Variants in SOX5 observed in about 807,000 individuals in gnomAD.
The protein encoded by SOX5 is SRY-box transcription factor 5.
Under a neutral mutation model 92.0 loss-of-function variants are expected in SOX5, and 9 were observed. The ratio of observed to expected loss-of-function variants is 0.10; its 90% confidence interval spans 0.06 to 0.17. The LOEUF (loss-of-function observed/expected upper bound fraction) is 0.17, where lower values mean the gene tolerates loss of function less well. Among genes scored for constraint, SOX5 ranks in the 10% least tolerant of loss-of-function variants. SOX5 has a pLI of 1.00. For synonymous variants in SOX5, 344 were observed against 336.3 expected (o/e 1.02, Z -0.25); for missense variants, 642 against 944.5 (o/e 0.68, Z 4.20).
At chr12:23,951,643 A>AAT (rs1186661627), upstream of SOX5, among the ~76,000 whole-genome samples, 43 of 83,340 alleles carry the variant, frequency 5.2e-4, no homozygotes, top group Admixed American at 9.2e-4. Flanking sequence ...ATGTTCTAAA[A>AAT]ATATATATAT....
At chr12:24,558,778 C>CA (rs951593146) in intron 1 of SOX5, among the ~76,000 whole-genome samples, 170 of 152,272 alleles carry the variant, frequency 1.1e-3, no homozygotes, top group African/African-American at 3.9e-3. Context: ...AAGTAAACAA[C>CA]AAAGACCCCA....
intron 3 of SOX5, among the ~76,000 whole-genome samples, chr12:23,823,562 T>C (rs761862232): frequency 6.6e-6 from 1 of 152,210 alleles, no homozygotes; most frequent in Non-Finnish European, 1.5e-5. Flanking sequence ...TTCCTTCATT[T>C]CAACCTTGAT....
intron 4 of SOX5, among the ~76,000 whole-genome samples, chr12:24,149,838 A>T (rs546878140): frequency 6.6e-6 from 1 of 152,332 alleles, no homozygotes; most frequent in East Asian, 1.9e-4. Context: ...TGCAATAATA[A>T]AGAATGTATT....
intron 4 of SOX5, among the ~76,000 whole-genome samples, chr12:23,973,001 G>A (rs552753770): frequency 5.9e-5 from 9 of 151,960 alleles, no homozygotes; most frequent in Admixed American, 3.3e-4. Flanking sequence ...CTCAAGTAGC[G>A]ACCTTCCTAC....
At chr12:24,135,838 G>T (rs113024777) in intron 4 of SOX5, among the ~76,000 whole-genome samples, 2 of 152,312 alleles carry the variant, frequency 1.3e-5, no homozygotes, top group African/African-American at 4.8e-5. Context: ...GGGAAGGGCT[G>T]CATGTGTTCA....
At chr12:23,827,776 C>A (rs2096255471) in intron 3 of SOX5, among the ~76,000 whole-genome samples, 1 of 152,114 alleles carries the variant, frequency 6.6e-6, no homozygotes, top group African/African-American at 2.4e-5. Flanking sequence ...GGATAAAAAG[C>A]AGAAAAGCAA....
chr12:24,524,640 G>A (rs531087114), intron 1 of SOX5, among the ~76,000 whole-genome samples: 1 of 152,084 alleles, frequency 6.6e-6, no homozygotes, highest in Admixed American at 6.6e-5. Context: ...ACACCTGTCA[G>A]GACGGCTAGC....
intron 3 of SOX5, among the ~76,000 whole-genome samples, chr12:24,261,878 C>T (rs1409337372): frequency 6.6e-6 from 1 of 152,182 alleles, no homozygotes; most frequent in Non-Finnish European, 1.5e-5. Flanking sequence ...GAAACCTCTT[C>T]TGTTTCTGAT....
intron 4 of SOX5, among the ~76,000 whole-genome samples, chr12:24,041,611 C>A (rs1350428940): frequency 6.6e-6 from 1 of 152,118 alleles, no homozygotes; most frequent in Non-Finnish European, 1.5e-5. Flanking sequence ...TTGATAACTG[C>A]AAACAATAAG....
At chr12:24,198,385 T>C (rs940362740) in intron 4 of SOX5, among the ~76,000 whole-genome samples, 62 of 152,370 alleles carry the variant, frequency 4.1e-4, no homozygotes, top group African/African-American at 1.4e-3. Flanking sequence ...TTCATACAAC[T>C]TAAACATTTT....
At chr12:23,708,982 C>T (rs998557994) in intron 6 of SOX5, among the ~76,000 whole-genome samples, 1 of 152,150 alleles carries the variant, frequency 6.6e-6, no homozygotes, top group African/African-American at 2.4e-5. Flanking sequence ...AAAACCATTT[C>T]ATAGAGCTGG....
rs1259666234 is a variant in SOX5, at chr12:23,699,261, A to G, written c.811-33697T>C. Among the ~76,000 whole-genome samples the G allele has an allele frequency of 1.3e-5, 2 of 152,014 alleles. 1 individual carries two copies. The highest frequency in any genetic ancestry group is 1.3e-4 in the Admixed American group (2 of 15,252). The stretch of plus-strand genomic sequence containing the variant: ...AAGTTCTGCCTGAGTTCTTTGTCTC[A>G]CCAGATAGTGAGCTGTGGACAGTCA... On this transcript the variant is annotated intron_variant, in intron 6 of 14. Transcript: ENST00000451604.
chr12:24,261,237 C>A (rs1942040172), intron 3 of SOX5, among the ~76,000 whole-genome samples: 1 of 152,062 alleles, frequency 6.6e-6, no homozygotes, highest in South Asian at 2.1e-4. Flanking sequence ...ATTATTCACC[C>A]TTTGTAGTAC....
chr12:24,484,210 C>T (rs191703513), intron 1 of SOX5, among the ~76,000 whole-genome samples: 43 of 152,234 alleles, frequency 2.8e-4, no homozygotes, highest in African/African-American at 7.5e-4. Flanking sequence ...TCAATCCCTT[C>T]GACTCATTAA....
At chr12:23,893,453 A>G (rs2097148626) in intron 2 of SOX5, among the ~76,000 whole-genome samples, 1 of 151,934 alleles carries the variant, frequency 6.6e-6, no homozygotes, top group Admixed American at 6.6e-5. Flanking sequence ...TCAAAAAAAA[A>G]AAATAGGAAT....
At chr12:23,865,889 G>T (rs10842235) in intron 2 of SOX5, among the ~76,000 whole-genome samples, 2,497 of 152,264 alleles carry the variant, frequency 0.016, 28 homozygotes, top group Non-Finnish European at 0.025. Context: ...GGATGACTTT[G>T]TGGGGCTCAA....
Position 23,829,273 on chromosome 12 carries a change from A to C in SOX5, c.481+16710T>G, listed in dbSNP as rs17396974. Among the ~76,000 whole-genome samples the C allele has an allele frequency of 8.2e-3, 1,251 of 152,260 alleles. 9 individuals are homozygous for C. Among genetic ancestry groups the C allele is most frequent in the Middle Eastern group, 0.027 (8 of 294 alleles). On this transcript the variant is annotated intron_variant, in intron 3 of 14. Coordinates refer to ENST00000451604, the MANE Select transcript of SOX5 (RefSeq NM_006940.6). The stretch of plus-strand genomic sequence containing the variant: ...TATGCACGGTCCTGACAAGTGCCTC[A>C]AGGGTAACTGAGTGAAAAACACACA...
At chr12:23,623,888 A>G (rs141684038) in intron 8 of SOX5, among the ~76,000 whole-genome samples, 119 of 152,236 alleles carry the variant, frequency 7.8e-4, no homozygotes, top group African/African-American at 2.7e-3. Context: ...TGTATATCCA[A>G]TATTCATAAC....
At chr12:23,976,009 G>T (rs1002875984) in intron 4 of SOX5, among the ~76,000 whole-genome samples, 2 of 151,634 alleles carry the variant, frequency 1.3e-5, no homozygotes, top group African/African-American at 2.4e-5. Context: ...ACCACAATGA[G>T]CAAAAAGAAA....
Sources: gnomAD v4.1 joint callset for allele counts (sites outside exome capture counted in the v4.1 genomes callset) on GRCh38, gnomAD v4.1.1 for gene constraint, MANE v1.5 for transcripts, NCBI Gene and HGNC (gene_info 2026-07-23, HGNC 2026-07-21) for gene names.